Variants in CDC42SE2 observed in about 807,000 individuals in gnomAD.
CDC42SE2 encodes CDC42 small effector protein 2.
A neutral mutation model predicts 11.5 loss-of-function variants in CDC42SE2; 3 were observed. The observed-to-expected ratio is 0.26, with a 90% CI of 0.12 to 0.67. CDC42SE2 has a LOEUF of 0.67. Among genes scored for constraint, CDC42SE2 ranks in the 30% least tolerant of loss-of-function variants. The probability of loss-of-function intolerance (pLI) is 0.80; values close to 1 mark genes in which losing one functional copy is unlikely to be tolerated. For synonymous variants in CDC42SE2, 33 were observed against 34.8 expected, an observed-to-expected ratio of 0.95 and a Z score of 0.18; for missense variants, 82 against 106.8, an observed-to-expected ratio of 0.77 and a Z score of 1.02.
chr5:131,282,495 A>G (rs760264390), intron 1 of CDC42SE2, among the ~76,000 whole-genome samples: 10 of 152,084 alleles, frequency 6.6e-5, no homozygotes, highest in Non-Finnish European at 1.5e-4. Flanking sequence ...GCTTTGGCAT[A>G]TTTGTGTGTA....
In CDC42SE2 at chr5:131,391,243, T is replaced by A. The variant is rs532170894; in HGVS notation, c.*152T>A. On this transcript the variant is annotated 3_prime_UTR_variant, in exon 5 of 5. Transcript: ENST00000505065. ...GGCAAAATTACTCAGCTAAGTGTAG[T>A]TTCTGCACTTGGAATGTAAGTTTTA... 6.7e-6 allele frequency: 2 copies of A among 300,324 alleles called. No homozygotes were observed. Among genetic ancestry groups the A allele is most frequent in the South Asian group, 1.4e-4 (1 of 6,900 alleles). 18.6% of individuals were successfully genotyped at this position (300,324 alleles called of 1,614,324 possible). A position where few individuals can be genotyped will look rare whatever the true frequency, so the allele number is the denominator to read the frequency against.
chr5:131,303,973 T>C (rs942586182), intron 1 of CDC42SE2, among the ~76,000 whole-genome samples: 4 of 151,952 alleles, frequency 2.6e-5, no homozygotes, highest in Admixed American at 2.6e-4. Context: ...TTTTCTTTTT[T>C]TTTTTTGGGA....
At chr5:131,248,402 G>T (rs1446819034) in intron 1 of CDC42SE2, among the ~76,000 whole-genome samples, 1 of 151,968 alleles carries the variant, frequency 6.6e-6, no homozygotes, top group African/African-American at 2.4e-5. Flanking sequence ...CTCCCAAAGT[G>T]CTGGGATCAT....
intron 2 of CDC42SE2, among the ~76,000 whole-genome samples, chr5:131,316,807 C>T (rs780744490): frequency 6.6e-5 from 10 of 152,254 alleles, no homozygotes; most frequent in Non-Finnish European, 1.0e-4. Context: ...TCTGAATTTT[C>T]TTATTGTTTA....
intron 3 of CDC42SE2, among the ~76,000 whole-genome samples, chr5:131,361,262 C>T (rs956640434): frequency 6.6e-6 from 1 of 151,980 alleles, no homozygotes; most frequent in Non-Finnish European, 1.5e-5. Flanking sequence ...TAGGAAGACA[C>T]AGATTAGGTA....
intron 2 of CDC42SE2, among the ~76,000 whole-genome samples, chr5:131,347,349 C>T (rs1758873645): frequency 1.3e-5 from 2 of 152,118 alleles, no homozygotes; most frequent in Non-Finnish European, 2.9e-5. Context: ...TACAGACTAC[C>T]ATCAGAAAAT....
rs1750762101 is a variant in CDC42SE2 at position 131,393,883 on chromosome 5, T to C, written c.*2792T>C. ...CAGCATGTGTTGGAGCAGATCTCCA[T>C]GGTAAGCCAAAAGTGGACTTGTCAG... On this transcript the variant is annotated 3_prime_UTR_variant, in exon 5 of 5. Transcript: ENST00000505065. 7.2e-6 allele frequency: 1 copy of C among 139,186 alleles called. No homozygotes were observed. Among genetic ancestry groups the C allele is most frequent in the African/African-American group, 2.8e-5 (1 of 35,860 alleles). The allele number at this position is 139,186 out of a possible 1,614,324, so 8.6% of individuals were successfully genotyped here. A position where few individuals can be genotyped will look rare whatever the true frequency, so the allele number is the denominator to read the frequency against.
At chr5:131,284,984 A>G (rs896971052) in intron 1 of CDC42SE2, among the ~76,000 whole-genome samples, 1 of 151,726 alleles carries the variant, frequency 6.6e-6, no homozygotes, top group East Asian at 1.9e-4. Flanking sequence ...ATGAGACCCT[A>G]TCTCTAAAAA....
the CDC42SE2 span, among the ~76,000 whole-genome samples, chr5:131,234,666 G>T: frequency 0.083 from 12,467 of 150,984 alleles, 1,105 homozygotes; most frequent in African/African-American, 0.22. Context: ...AAGAAAAATA[G>T]ATAGATAGAT....
chr5:131,346,436 T>C (rs1758846261), intron 2 of CDC42SE2, among the ~76,000 whole-genome samples: 1 of 152,188 alleles, frequency 6.6e-6, no homozygotes, highest in South Asian at 2.1e-4. Context: ...AGGGATCAAT[T>C]CAACAAAAAG....
chr5:131,348,975 A>G (rs894604245), intron 2 of CDC42SE2, among the ~76,000 whole-genome samples: 1 of 152,198 alleles, frequency 6.6e-6, no homozygotes, highest in Non-Finnish European at 1.5e-5. Context: ...CCTACACCCT[A>G]TACAAAAATT....
At chr5:131,213,223 G>T in the CDC42SE2 span, among the ~76,000 whole-genome samples, 1 of 151,792 alleles carries the variant, frequency 6.6e-6, no homozygotes, top group Non-Finnish European at 1.5e-5. Flanking sequence ...TAATCCATTA[G>T]TTCATAAAGA....
At chr5:131,216,561 G>T in the CDC42SE2 span, among the ~76,000 whole-genome samples, 1 of 150,728 alleles carries the variant, frequency 6.6e-6, no homozygotes, top group Non-Finnish European at 1.5e-5. Context: ...TGTCATAAGG[G>T]TTTGTGAAAA....
chr5:131,295,932 G>A (rs898914298), intron 1 of CDC42SE2, among the ~76,000 whole-genome samples: 2 of 152,118 alleles, frequency 1.3e-5, no homozygotes, highest in African/African-American at 4.8e-5. Flanking sequence ...TGATCTGCCT[G>A]CCTCAGCCTC....
the CDC42SE2 span, among the ~76,000 whole-genome samples, chr5:131,216,832 A>G: frequency 3.2e-4 from 49 of 152,298 alleles, 1 homozygote; most frequent in South Asian, 6.2e-3. Context: ...TTTATACTAC[A>G]TTAATCCTTC....
At chr5:131,213,563 C>T in the CDC42SE2 span, among the ~76,000 whole-genome samples, 1 of 152,112 alleles carries the variant, frequency 6.6e-6, no homozygotes, top group Non-Finnish European at 1.5e-5. Flanking sequence ...ATCCTCCTGC[C>T]TCAGCCTCCC....
At chr5:131,228,187 A>G in the CDC42SE2 span, among the ~76,000 whole-genome samples, 6 of 152,018 alleles carry the variant, frequency 3.9e-5, no homozygotes, top group Non-Finnish European at 8.8e-5. Context: ...AGCCTGGGAG[A>G]CAGAGCAAGA....
chr5:131,296,715 G>T (rs754005013), intron 1 of CDC42SE2, among the ~76,000 whole-genome samples: 1 of 152,152 alleles, frequency 6.6e-6, no homozygotes, highest in Non-Finnish European at 1.5e-5. Flanking sequence ...TACTGGGGGG[G>T]TTAGGATTTC....
At chr5:131,279,486 C>T (rs1330804021) in intron 1 of CDC42SE2, among the ~76,000 whole-genome samples, 1 of 119,152 alleles carries the variant, frequency 8.4e-6, no homozygotes, top group Admixed American at 1.1e-4. Flanking sequence ...TACATAAATA[C>T]TCCTGAGTTC....
Sources: allele counts gnomAD v4.1 joint callset (sites outside exome capture counted in the v4.1 genomes callset), GRCh38; gene constraint gnomAD v4.1.1; transcripts MANE v1.5; gene names NCBI Gene and HGNC (gene_info 2026-07-23, HGNC 2026-07-21).